Variants in YIPF5 observed in about 807,000 individuals in gnomAD.
YIPF5 encodes Yip1 domain family member 5, also known as protein YIPF5.
In YIPF5, 8 loss-of-function variants were observed where a neutral mutation model predicts 30.4. That is an observed-to-expected ratio of 0.26 (90% confidence interval 0.15 to 0.47). The LOEUF is 0.47. Ranked by LOEUF, YIPF5 falls within the 20% of genes least tolerant of loss-of-function variation. YIPF5 has a pLI of 0.99. For missense variants in YIPF5, 282 were observed against 301.8 expected (o/e 0.93, Z 0.49); for synonymous variants, 104 against 107.9 (o/e 0.96, Z 0.23).
chr5:144,162,693 T>C (rs1435097237), intron 4 of YIPF5, among the ~76,000 whole-genome samples: 2 of 152,170 alleles, frequency 1.3e-5, no homozygotes, highest in Non-Finnish European at 2.9e-5. Context: ...GTAAGATTTC[T>C]AAAAAGAACT....
In YIPF5 at chr5:144,164,188, C is replaced by G; in HGVS notation, c.352G>C (p.Asp118His). ...LTVLHPLKVA[D>H]GSIMNETDLA... is the part of the protein sequence containing the mutation. ...TCAGTTTCATTCATGATGCTGCCAT[C>G]TGCTACTTTTAACGGATGTAATACT... The change falls in exon 4 of 6, where the codon GAT becomes CAT. Residue 118 changes from aspartate to histidine, a missense_variant. Transcript: ENST00000274496. 1 of 1,613,810 alleles carries G rather than the reference C, an allele frequency of 6.2e-7. No homozygotes were observed. The highest frequency in any genetic ancestry group is 1.3e-5 in the African/African-American group (1 of 75,034).
At position 144,159,863 on chromosome 5, in the gene YIPF5, C is replaced by G. The variant is rs1487446374; in HGVS notation, c.*534G>C. The G allele has an allele frequency of 1.8e-6, 1 of 562,070 alleles. No individual in the cohort carries two copies. Among genetic ancestry groups the G allele is most frequent in the Non-Finnish European group, 2.2e-6 (1 of 454,102 alleles). The allele number at this position is 562,070 out of a possible 1,614,324, so 34.8% of individuals were successfully genotyped here. On this transcript the variant is annotated 3_prime_UTR_variant, in exon 6 of 6. Transcript: ENST00000274496. ...CTGGGACTACAGGCGCCCGCCACCA[C>G]GCCCAGCTAATTTTTTTTGTAGTTT...
At position 144,159,281 on chromosome 5, in the gene YIPF5, G is replaced by A; in HGVS notation, c.*1116C>T. 1 of 972,038 alleles carries A rather than the reference G, an allele frequency of 1.0e-6. No homozygotes were observed. The highest frequency in any genetic ancestry group is 5.3e-4 in the Middle Eastern group (1 of 1,878). 60.2% of individuals were successfully genotyped at this position (972,038 alleles called of 1,614,324 possible). A position where few individuals can be genotyped will look rare whatever the true frequency, so the allele number is the denominator to read the frequency against. Reference sequence around the variant, plus strand: ...CAATAACACAGTTAAAATTAATTGGGAAAGTTTTAATAAGCATTCAAATGT... The same window carrying A: ...CAATAACACAGTTAAAATTAATTGGAAAAGTTTTAATAAGCATTCAAATGT... On this transcript the variant is annotated 3_prime_UTR_variant, in exon 6 of 6. Transcript: ENST00000274496.
rs114978203 is a variant in YIPF5, at chr5:144,166,712, G to A, written c.111-1108C>T. On this transcript the variant is annotated intron_variant, in intron 2 of 5. Transcript: ENST00000274496. ...AGTTCAGCTTGCACAGGTGCTTTTC[G>A]TAGAGGCAGTAATTGTACTTTAGTA... Among the ~76,000 whole-genome samples, 793 of 152,166 alleles carry A rather than the reference G, an allele frequency of 5.2e-3. 6 individuals are homozygous for A. The highest frequency in any genetic ancestry group is 0.018 in the African/African-American group (760 of 41,472).
chr5:144,159,953 C>T lies in YIPF5; in HGVS notation c.*444G>A, dbSNP rs955651184. The T allele has an allele frequency of 4.2e-6, 4 of 947,012 alleles. No homozygotes were observed. Among genetic ancestry groups the T allele is most frequent in the Non-Finnish European group, 5.0e-6 (4 of 795,100 alleles). The allele number at this position is 947,012 out of a possible 1,614,324, so 58.7% of individuals were successfully genotyped here. On this transcript the variant is annotated 3_prime_UTR_variant, in exon 6 of 6. Coordinates refer to ENST00000274496, the MANE Select transcript of YIPF5 (RefSeq NM_030799.9). ...TCGATCTCCTGCCCTTGTGATCCGC[C>T]CGCCTCGGCCTCCCAAAGTGCTGGG...
rs1225386781 is a variant in YIPF5, at chr5:144,158,342, AC to A, written c.*2054del. On this transcript the variant is annotated 3_prime_UTR_variant, in exon 6 of 6. Transcript: ENST00000274496. ...ACAGTTAAGCATAAAATAGCTTTGC[AC>A]CTTATTATTTTGGAGCAAAATAAAA... 1.1e-6 allele frequency: 1 copy of A among 934,066 alleles called. No homozygotes were observed. The highest frequency in any genetic ancestry group is 1.8e-5 in the African/African-American group (1 of 56,180). The allele number at this position is 934,066 out of a possible 1,614,324, so 57.9% of individuals were successfully genotyped here. A position where few individuals can be genotyped will look rare whatever the true frequency, so the allele number is the denominator to read the frequency against.
chr5:144,163,963 A>G (rs1437139845), intron 4 of YIPF5, 148 bp downstream of exon 4: 1 of 694,902 alleles, frequency 1.4e-6, no homozygotes, highest in East Asian at 3.0e-5. Context: ...ACTAATGAAT[A>G]GGTATAAATA....
At chr5:144,161,646 A>C (rs868836176) in intron 5 of YIPF5, among the ~76,000 whole-genome samples, 2 of 152,258 alleles carry the variant, frequency 1.3e-5, no homozygotes, top group Admixed American at 6.5e-5. Flanking sequence ...GTGCCTGGCC[A>C]TACCTATCCT....
chr5:144,158,856 C>T lies in YIPF5; in HGVS notation c.*1541G>A, dbSNP rs1751943807. The T allele has an allele frequency of 6.1e-6, 6 of 982,752 alleles. No individual in the cohort carries two copies. Among genetic ancestry groups the T allele is most frequent in the Non-Finnish European group, 7.2e-6 (6 of 828,844 alleles). The allele number at this position is 982,752 out of a possible 1,614,324, so 60.9% of individuals were successfully genotyped here. ...TCTTTTTATGCTTTGAAAACTTGTT[C>T]TAAAAAAGAACCATTGATACATCAT... On this transcript the variant is annotated 3_prime_UTR_variant, in exon 6 of 6. Transcript: ENST00000274496.
chr5:144,170,244 G>T, intron 1 of YIPF5: 2 of 403,750 alleles, frequency 5.0e-6, no homozygotes, highest in Non-Finnish European at 9.1e-6. Flanking sequence ...GGTTCCATAA[G>T]CGGTCTAAAA....
At position 144,159,319 on chromosome 5, in the gene YIPF5, T is replaced by C; in HGVS notation, c.*1078A>G. On this transcript the variant is annotated 3_prime_UTR_variant, in exon 6 of 6. Coordinates refer to ENST00000274496, the MANE Select transcript of YIPF5 (RefSeq NM_030799.9). ...AGCATTCAAATGTACTTTACATTGA[T>C]AATTGCAATATTGAATTTTGTAAAA... 1.0e-6 allele frequency: 1 copy of C among 974,652 alleles called. No individual in the cohort carries two copies. 60.4% of individuals were successfully genotyped at this position (974,652 alleles called of 1,614,324 possible).
chr5:144,165,704 TA>T, intron 2 of YIPF5, 100 bp from the exon 3 acceptor site: 4 of 1,261,010 alleles, frequency 3.2e-6, no homozygotes, highest in African/African-American at 1.5e-5. Context: ...TAAAGAACCT[TA>T]GTTGTGAAAT....
chr5:144,170,653 G>T lies in YIPF5; in HGVS notation c.-129C>A, dbSNP rs6864309. ...GCTACGTGTCACAGGGCCAAAGAAC[G>T]GCTTCCGGGGCACGCCCGCTCGCGC... is the stretch of plus-strand genomic sequence containing the variant. On this transcript the variant is annotated 5_prime_UTR_variant, in exon 1 of 6. Transcript: ENST00000274496. The T allele has an allele frequency of 0.22, 33,932 of 152,488 alleles. 4,417 individuals carry two copies. Among genetic ancestry groups the T allele is most frequent in the African/African-American group, 0.35 (14,349 of 41,510 alleles). 9.4% of individuals were successfully genotyped at this position (152,488 alleles called of 1,614,324 possible).
intron 2 of YIPF5, among the ~76,000 whole-genome samples, chr5:144,168,763 G>C (rs541378959): frequency 1.3e-5 from 2 of 152,150 alleles, no homozygotes; most frequent in Admixed American, 1.3e-4. Context: ...GCCTAACCAA[G>C]ACAGACACTA....
At position 144,158,991 on chromosome 5, in the gene YIPF5, CAG is replaced by C. The variant is rs1239712746; in HGVS notation, c.*1404_*1405del. The C allele has an allele frequency of 3.9e-5, 38 of 983,870 alleles. 1 individual carries two copies. The Admixed American group carries it at 1.1e-3, about 29-fold the overall frequency. The allele number at this position is 983,870 out of a possible 1,614,324, so 60.9% of individuals were successfully genotyped here. A position where few individuals can be genotyped will look rare whatever the true frequency, so the allele number is the denominator to read the frequency against. On this transcript the variant is annotated 3_prime_UTR_variant, in exon 6 of 6. Transcript: ENST00000274496. ...ACTATAACTGAGCTTTGTCCAGAAT[CAG>C]AGACAGTTTTTCTAGAAAAAGCCAA...
chr5:144,168,730 G>C (rs1752268726), intron 2 of YIPF5, among the ~76,000 whole-genome samples: 1 of 152,158 alleles, frequency 6.6e-6, no homozygotes, highest in African/African-American at 2.4e-5. Flanking sequence ...GACTCAAAGA[G>C]ACTATATGTT....
rs1751960610 is a variant in YIPF5, at chr5:144,159,361, T to A, written c.*1036A>T. 1 of 984,280 alleles carries A rather than the reference T, an allele frequency of 1.0e-6. No individual in the cohort carries two copies. Among genetic ancestry groups the A allele is most frequent in the East Asian group, 1.1e-4 (1 of 8,800 alleles). 61.0% of individuals were successfully genotyped at this position (984,280 alleles called of 1,614,324 possible). Reference sequence around the variant, plus strand: ...TTTGTAAAACTTTAAATATTTTCCTTAAAAAAGGTTAGTGATTTTTTTATT... The same window carrying A: ...TTTGTAAAACTTTAAATATTTTCCTAAAAAAAGGTTAGTGATTTTTTTATT... On this transcript the variant is annotated 3_prime_UTR_variant, in exon 6 of 6. Coordinates refer to ENST00000274496, the MANE Select transcript of YIPF5 (RefSeq NM_030799.9).
At chr5:144,162,474 C>T (rs1752076447) in intron 4 of YIPF5, 75 bp from the exon 5 acceptor site, 1 of 1,311,954 alleles carries the variant, frequency 7.6e-7, no homozygotes, top group East Asian at 2.3e-5. Flanking sequence ...TGAATCAGTA[C>T]ATGTAGCAAA....
intron 2 of YIPF5, among the ~76,000 whole-genome samples, chr5:144,167,334 C>A (rs1043827688): frequency 2.0e-5 from 3 of 152,120 alleles, no homozygotes; most frequent in Admixed American, 2.0e-4. Context: ...CAGACACGAT[C>A]TTTACAGGCT....
Sources: gnomAD v4.1 joint callset for allele counts (sites outside exome capture counted in the v4.1 genomes callset) on GRCh38, gnomAD v4.1.1 for gene constraint, MANE v1.5 for transcripts, NCBI Gene and HGNC (gene_info 2026-07-23, HGNC 2026-07-21) for gene names.